CFTR: variants seen among roughly 807,000 people sequenced by gnomAD.
CFTR encodes the protein CF transmembrane conductance regulator.
Under a neutral mutation model 171.6 loss-of-function variants are expected in CFTR, and 181 were observed. The ratio of observed to expected loss-of-function variants is 1.05; its 90% CI spans 0.93 to 1.19. CFTR has a LOEUF of 1.19. CFTR is among the 50% of genes most tolerant of loss of function. The pLI is 0.00. For missense variants in CFTR, 1,968 were observed against 1,734.7 expected, an observed-to-expected ratio of 1.13 and a Z score of -2.39; for synonymous variants, 583 against 608.0, an observed-to-expected ratio of 0.96 and a Z score of 0.60.
intron 3 of CFTR, among the ~76,000 whole-genome samples, chr7:117,510,757 G>T (rs1373495275): frequency 6.6e-6 from 1 of 151,848 alleles, no homozygotes; most frequent in South Asian, 2.1e-4. Flanking sequence ...ATTTTTTTTG[G>T]TCTGGTGCAT....
rs1584837299 is a variant in CFTR, at chr7:117,642,603, A to G, written c.3873+10A>G. On this transcript the variant is annotated intron_variant, in intron 23 of 26. Transcript: ENST00000003084. The stretch of plus-strand genomic sequence containing the variant: ...TGGAGTGATACCACAGGTGAGCAAA[A>G]GGACTTAGCCAGAAAAAAGGCAACT... 6.2e-7 allele frequency: 1 copy of G among 1,613,004 alleles called. No individual in the cohort carries two copies.
chr7:117,553,284 A>G (rs1456385168), intron 10 of CFTR, among the ~76,000 whole-genome samples: 2 of 152,176 alleles, frequency 1.3e-5, no homozygotes, highest in Non-Finnish European at 2.9e-5. Context: ...GTATTCTATC[A>G]TATGGATGGA....
chr7:117,658,075 A>G (rs1793210974), intron 24 of CFTR, among the ~76,000 whole-genome samples: 1 of 152,196 alleles, frequency 6.6e-6, no homozygotes, highest in Admixed American at 6.5e-5. Flanking sequence ...ATTTAAAGCA[A>G]GTCCAAGGGA....
chr7:117,480,954 C>T (rs1404259688), intron 1 of CFTR, among the ~76,000 whole-genome samples: 1 of 152,128 alleles, frequency 6.6e-6, no homozygotes, highest in Admixed American at 6.6e-5. Flanking sequence ...ATTGCATCTA[C>T]TTTGTTCCTG....
At position 117,536,579 on chromosome 7, in the gene CFTR, C is replaced by T. The variant is rs762640483; in HGVS notation, c.775C>T (p.Leu259Phe). Reference protein sequence around the residue: ...DQRAGKISERLVITSEMIENI... With the variant: ...DQRAGKISERFVITSEMIENI... ...GAGAGCTGGGAAGATCAGTGAAAGA[C>T]TTGTGATTACCTCAGAAATGATTGA... The change falls in exon 7 of 27, where the codon CTT becomes TTT. Residue 259 changes from leucine (L) to phenylalanine (F), a missense_variant. Coordinates refer to ENST00000003084, the MANE Select transcript of CFTR (RefSeq NM_000492.4). 1.2e-6 allele frequency: 2 copies of T among 1,603,284 alleles called. No homozygotes were observed. The highest frequency in any genetic ancestry group is 1.7e-5 in the Admixed American group (1 of 59,214).
chr7:117,514,986 C>G (rs891121656), intron 3 of CFTR, among the ~76,000 whole-genome samples: 1 of 151,804 alleles, frequency 6.6e-6, no homozygotes, highest in Non-Finnish European at 1.5e-5. Flanking sequence ...ATCCTTTGCC[C>G]ACCTTAATAG....
At chr7:117,537,839 G>A (rs368950319) in intron 7 of CFTR, among the ~76,000 whole-genome samples, 1 of 152,212 alleles carries the variant, frequency 6.6e-6, no homozygotes, top group African/African-American at 2.4e-5. Context: ...TAACAAGTGA[G>A]TGCTCCATCA....
chr7:117,616,549 A>G (rs745383740), intron 21 of CFTR, among the ~76,000 whole-genome samples: 2 of 152,144 alleles, frequency 1.3e-5, no homozygotes, highest in Non-Finnish European at 2.9e-5. Context: ...TAGCCTCTAC[A>G]CATTGATGTC....
intron 23 of CFTR, among the ~76,000 whole-genome samples, chr7:117,646,812 T>A (rs1793002493): frequency 6.6e-6 from 1 of 152,118 alleles, no homozygotes; most frequent in East Asian, 1.9e-4. Flanking sequence ...GTAGGTACAA[T>A]GCAATTTTAT....
At chr7:117,571,511 C>T (rs1791687280) in intron 11 of CFTR, among the ~76,000 whole-genome samples, 1 of 152,064 alleles carries the variant, frequency 6.6e-6, no homozygotes, top group Admixed American at 6.5e-5. Context: ...CTTTCAGAAA[C>T]CAGACTTTTT....
chr7:117,488,385 T>A (rs1299271325), intron 1 of CFTR, among the ~76,000 whole-genome samples: 1 of 152,170 alleles, frequency 6.6e-6, no homozygotes, highest in Non-Finnish European at 1.5e-5. Context: ...TGAATAATTT[T>A]AAAAGTAAGT....
chr7:117,509,931 A>G (rs1798488846), intron 3 of CFTR, among the ~76,000 whole-genome samples: 12 of 152,114 alleles, frequency 7.9e-5, no homozygotes, highest in Admixed American at 7.9e-4. Flanking sequence ...ACTTGTGTTT[A>G]TATTGGTCTT....
rs528896003 is a variant in CFTR at position 117,555,779 on chromosome 7, T to C, written c.1393-3685T>C. Among the ~76,000 whole-genome samples, 12 of 152,352 alleles carry C rather than the reference T, an allele frequency of 7.9e-5. No homozygotes were observed. The East Asian group carries it at 1.5e-3, about 20-fold the overall frequency. ...AAATGTGAAACCATCAGTGCAGCTA[T>C]GCCAGCAGGTGTGAAGTCTTGCACT... On this transcript the variant is annotated intron_variant, in intron 10 of 26. Transcript: ENST00000003084.
In CFTR at chr7:117,540,147, A is replaced by G. The variant is rs746375310; in HGVS notation, c.917A>G (p.Asn306Ser). The G allele has an allele frequency of 2.4e-5, 38 of 1,613,400 alleles. No individual in the cohort carries two copies. The highest frequency in any genetic ancestry group is 2.7e-5 in the Non-Finnish European group (32 of 1,179,476). ...TRKAAYVRYF[N>S]SSAFFFSGFF... ...AAGGCAGCCTATGTGAGATACTTCA[A>G]TAGCTCAGCCTTCTTCTTCTCAGGG... Residue 306 changes from asparagine to serine, a missense_variant, in exon 8 of 27, where the codon AAT becomes AGT. Transcript: ENST00000003084.
At chr7:117,612,344 GA>G (rs549985323) in intron 20 of CFTR, among the ~76,000 whole-genome samples, 78 of 149,734 alleles carry the variant, frequency 5.2e-4, no homozygotes, top group African/African-American at 1.8e-3. Flanking sequence ...TTTACACAAA[GA>G]AAAACTGTCA....
intron 15 of CFTR, among the ~76,000 whole-genome samples, chr7:117,602,001 T>C (rs1403794353): frequency 1.3e-5 from 2 of 152,214 alleles, no homozygotes; most frequent in East Asian, 1.9e-4. Context: ...ATGTACCTTA[T>C]CTTTATTCAT....
In CFTR at chr7:117,540,166, C is replaced by T; in HGVS notation, c.936C>T (p.Phe312=). ...ACTTCAATAGCTCAGCCTTCTTCTT[C>T]TCAGGGTTCTTTGTGGTGTTTTTAT... ...VRYFNSSAFF[F]SGFFVVFLSV... Residue 312 remains phenylalanine, a synonymous_variant, in exon 8 of 27, where the codon TTC becomes TTT. Transcript: ENST00000003084. 1 of 1,613,986 alleles carries T rather than the reference C, an allele frequency of 6.2e-7. No individual in the cohort carries two copies. The highest frequency in any genetic ancestry group is 8.5e-7 in the Non-Finnish European group (1 of 1,179,880).
At chr7:117,508,882 GTGT>G in intron 2 of CFTR, 149 bp from the exon 3 acceptor site, 1 of 657,188 alleles carries the variant, frequency 1.5e-6, no homozygotes, top group South Asian at 1.8e-5. Context: ...TGAGTGTTTG[GTGT>G]TGTATGGTCT....
At chr7:117,596,947 G>A (rs1395744729) in intron 15 of CFTR, among the ~76,000 whole-genome samples, 1 of 151,896 alleles carries the variant, frequency 6.6e-6, no homozygotes, top group South Asian at 2.1e-4. Context: ...GATTGTAAAC[G>A]CACCAATCAG....
Sources: allele counts gnomAD v4.1 joint callset (sites outside exome capture counted in the v4.1 genomes callset), GRCh38; gene constraint gnomAD v4.1.1; transcripts MANE v1.5; gene names NCBI Gene and HGNC (gene_info 2026-07-23, HGNC 2026-07-21).